Variants in CASZ1 observed in about 807,000 individuals in gnomAD.
The protein encoded by CASZ1 is zinc finger protein castor homolog 1.
In CASZ1, 28 loss-of-function variants were observed where a neutral mutation model predicts 135.2. The ratio of observed to expected loss-of-function variants is 0.21; its 90% confidence interval spans 0.15 to 0.28. CASZ1 has a LOEUF of 0.28. Ranked by LOEUF, CASZ1 falls within the 10% of genes least tolerant of loss-of-function variation. The pLI is 1.00. For missense variants in CASZ1, 2,161 were observed against 2,453.3 expected, an observed-to-expected ratio of 0.88 and a Z score of 2.52; for synonymous variants, 1,068 against 1,073.4, an observed-to-expected ratio of 0.99 and a Z score of 0.10.
rs542003960 is a variant in CASZ1, at chr1:10,660,169, G to T, written c.873C>A (p.Ile291=). The T allele has an allele frequency of 2.1e-5, 34 of 1,613,968 alleles. No individual in the cohort carries two copies. In the East Asian group the frequency reaches 6.7e-4, roughly 32 times the overall value. ...CACTGCTGTGCGACGGCAGGGGCAG[G>T]ATGGTGGCCTTGGTCTCCAGGTGGG... ...STAHLETKAT[I]LPLPSHSSVQ... is the part of the protein sequence containing the mutation. The change falls in exon 6 of 21, where the codon ATC becomes ATA. Residue 291 remains isoleucine, a synonymous_variant. Transcript: ENST00000377022.
rs1285080404 is a variant in CASZ1, at chr1:10,776,619, G to C, written c.-233-15762C>G. Among the ~76,000 whole-genome samples the C allele has an allele frequency of 1.3e-5, 2 of 152,236 alleles. No homozygotes were observed. The highest frequency in any genetic ancestry group is 2.4e-5 in the African/African-American group (1 of 41,456). On this transcript the variant is annotated intron_variant, in intron 1 of 20. Transcript: ENST00000377022. This position sits in a 1 kb window ranked among gnomAD's most constrained non-coding sequence, Gnocchi z 4.1. ...CACCGAGCCTGCAAAGGCTCTCCCTGGTACCAGCTAGGGGCGGGAGCTCCT... is the reference window on the plus strand; with the variant it reads ...CACCGAGCCTGCAAAGGCTCTCCCTCGTACCAGCTAGGGGCGGGAGCTCCT...
Position 10,735,026 on chromosome 1 carries a change from C to T in CASZ1, c.-77+25675G>A, listed in dbSNP as rs865937339. ...TCTCAACTCCCCGCCCCATGACCAA[C>T]GGGACCCTGGGAGGACGCAAGGGAG... On this transcript the variant is annotated intron_variant, in intron 2 of 20. Transcript: ENST00000377022. This position sits in a 1 kb window ranked among gnomAD's most constrained non-coding sequence, Gnocchi z 5.1. Among the ~76,000 whole-genome samples, 58 of 152,260 alleles carry T rather than the reference C, an allele frequency of 3.8e-4. 2 individuals are homozygous for T. Among genetic ancestry groups the T allele is most frequent in the East Asian group, 9.7e-4 (5 of 5,178 alleles).
rs1023499237 is a variant in CASZ1 at position 10,735,420 on chromosome 1, G to A, written c.-77+25281C>T. Reference sequence around the variant, plus strand: ...CCGGGAGCTCTGGGAGGGGACGGGGGACTGGCGGAGTCAGGCGCCAGGGCT... The same window carrying A: ...CCGGGAGCTCTGGGAGGGGACGGGGAACTGGCGGAGTCAGGCGCCAGGGCT... On this transcript the variant is annotated intron_variant, in intron 2 of 20. Coordinates refer to ENST00000377022, the MANE Select transcript of CASZ1 (RefSeq NM_001079843.3). The surrounding 1 kb of genome is among the most constrained non-coding windows in gnomAD (Gnocchi z 5.1). 3.3e-5 allele frequency among the ~76,000 whole-genome samples: 5 copies of A among 152,284 alleles called. No individual in the cohort carries two copies. The highest frequency in any genetic ancestry group is 3.3e-4 in the Admixed American group (5 of 15,302).
Position 10,694,031 on chromosome 1 carries a change from C to G in CASZ1, c.-23-119G>C, listed in dbSNP as rs970125735. ...CCCCGCAGGAGCGGCCCGTCCCGGG[C>G]GGGCGCCGAGGCCGCGGCGGAGAAA... On this transcript the variant is annotated intron_variant, in intron 3 of 20. Coordinates refer to ENST00000377022, the MANE Select transcript of CASZ1 (RefSeq NM_001079843.3). The surrounding 1 kb of genome is among the most constrained non-coding windows in gnomAD (Gnocchi z 6.6). 2.1e-6 allele frequency: 2 copies of G among 931,562 alleles called. No homozygotes were observed. The highest frequency in any genetic ancestry group is 3.1e-6 in the Non-Finnish European group (2 of 645,498). The allele number at this position is 931,562 out of a possible 1,614,324, so 57.7% of individuals were successfully genotyped here.
chr1:10,715,120 C>T (rs903898849), intron 2 of CASZ1, among the ~76,000 whole-genome samples: 36 of 152,244 alleles, frequency 2.4e-4, no homozygotes, highest in African/African-American at 8.4e-4. Context: ...TCAGCCCACC[C>T]TGGCCTCCGG....
At position 10,697,845 on chromosome 1, in the gene CASZ1, C is replaced by A. The variant is rs710132; in HGVS notation, c.-23-3933G>T. On this transcript the variant is annotated intron_variant, in intron 3 of 20. Transcript: ENST00000377022. The surrounding 1 kb of genome is among the most constrained non-coding windows in gnomAD (Gnocchi z 4.7). ...TTGGCCAAAGGACTGCGTGTGCCTG[C>A]GAACAAGCATGTTCGCACCTGCGAG... 6.6e-6 allele frequency among the ~76,000 whole-genome samples: 1 copy of A among 152,234 alleles called. No homozygotes were observed. The highest frequency in any genetic ancestry group is 1.5e-5 in the Non-Finnish European group (1 of 68,034).
At chr1:10,686,616 C>A (rs1638600654) in intron 4 of CASZ1, among the ~76,000 whole-genome samples, 1 of 152,358 alleles carries the variant, frequency 6.6e-6, no homozygotes, top group African/African-American at 2.4e-5. Context: ...CCCCGCCACC[C>A]TCTCTTGGTG....
rs1389694888 is a variant in CASZ1, at chr1:10,702,143, C to G, written c.-24+3349G>C. On this transcript the variant is annotated intron_variant, in intron 3 of 20. Coordinates refer to ENST00000377022, the MANE Select transcript of CASZ1 (RefSeq NM_001079843.3). ...GGTACAGGTCCCAACCTAGGTGACA[C>G]ATGTCCGCTTCCTTGCCTGCTGGGA... is the stretch of plus-strand genomic sequence containing the variant. Among the ~76,000 whole-genome samples, 7 of 152,340 alleles carry G rather than the reference C, an allele frequency of 4.6e-5. No individual in the cohort carries two copies. The South Asian group carries it at 1.0e-3, about 23-fold the overall frequency.
intron 1 of CASZ1, among the ~76,000 whole-genome samples, chr1:10,769,554 G>A (rs1245609461): frequency 2.0e-5 from 3 of 152,092 alleles, no homozygotes; most frequent in Non-Finnish European, 4.4e-5. Context: ...GTCTCACTCT[G>A]TTGCCTAGCT....
chr1:10,713,951 A>G (rs1639331721), intron 2 of CASZ1, among the ~76,000 whole-genome samples: 1 of 152,224 alleles, frequency 6.6e-6, no homozygotes, highest in African/African-American at 2.4e-5. Context: ...TCAAAGGAGA[A>G]GAAAATTCAG....
intron 1 of CASZ1, among the ~76,000 whole-genome samples, chr1:10,793,127 G>A (rs548292419): frequency 1.5e-4 from 23 of 151,948 alleles, no homozygotes; most frequent in African/African-American, 4.8e-4. Context: ...AAACATAAGG[G>A]GAGCAGATAT....
intron 1 of CASZ1, among the ~76,000 whole-genome samples, chr1:10,782,723 C>T (rs1046939743): frequency 1.4e-4 from 21 of 149,844 alleles, no homozygotes; most frequent in African/African-American, 4.7e-4. Flanking sequence ...GGATCGCTGG[C>T]GGAGCCACTG....
chr1:10,720,385 CAG>C lies in CASZ1; in HGVS notation c.-76-14843_-76-14842del, dbSNP rs375922939. ...ATCGTGCCTTTGGGGCTGGTGATGG[CAG>C]AGAGACTGGCAGCACTGACCAGCCC... On this transcript the variant is annotated intron_variant, in intron 2 of 20. Transcript: ENST00000377022. This position sits in a 1 kb window ranked among gnomAD's most constrained non-coding sequence, Gnocchi z 5.7. Among the ~76,000 whole-genome samples, 1 of 152,156 alleles carries C rather than the reference CAG, an allele frequency of 6.6e-6. No homozygotes were observed. The highest frequency in any genetic ancestry group is 2.4e-5 in the African/African-American group (1 of 41,436).
At chr1:10,667,998 G>C (rs1441043539) in intron 4 of CASZ1, among the ~76,000 whole-genome samples, 1 of 152,118 alleles carries the variant, frequency 6.6e-6, no homozygotes, top group African/African-American at 2.4e-5. Flanking sequence ...CTGCCCTCCA[G>C]CTGCCGCGCT....
chr1:10,679,166 C>G lies in CASZ1; in HGVS notation c.17-13595G>C, dbSNP rs1436950858. On this transcript the variant is annotated intron_variant, in intron 4 of 20. Transcript: ENST00000377022. The surrounding 1 kb of genome is among the most constrained non-coding windows in gnomAD (Gnocchi z 4.7). Reference sequence around the variant, plus strand: ...TCACGAGGGGACTGCAGGGCTGGCACAGAGCTCTCCGCCAGGGCCTGCTGC... The same window carrying G: ...TCACGAGGGGACTGCAGGGCTGGCAGAGAGCTCTCCGCCAGGGCCTGCTGC... 1.3e-5 allele frequency among the ~76,000 whole-genome samples: 2 copies of G among 152,220 alleles called. No individual in the cohort carries two copies. The highest frequency in any genetic ancestry group is 1.3e-4 in the Admixed American group (2 of 15,292).
chr1:10,718,746 T>C (rs1027984051), intron 2 of CASZ1, among the ~76,000 whole-genome samples: 7 of 152,160 alleles, frequency 4.6e-5, no homozygotes, highest in African/African-American at 1.7e-4. Context: ...GCCCACAACG[T>C]CTCCACTGGC....
chr1:10,708,825 G>A (rs1260316814), intron 2 of CASZ1, among the ~76,000 whole-genome samples: 1 of 152,004 alleles, frequency 6.6e-6, no homozygotes, highest in African/African-American at 2.4e-5. Flanking sequence ...AGGGAAGGTG[G>A]GCTGGAGAGG....
In CASZ1 at chr1:10,638,823, A is replaced by T. The variant is rs1376601543; in HGVS notation, c.*119T>A. 4 of 932,116 alleles carry T rather than the reference A, an allele frequency of 4.3e-6. No homozygotes were observed. Among genetic ancestry groups the T allele is most frequent in the Non-Finnish European group, 5.1e-6 (4 of 782,236 alleles). The allele number at this position is 932,116 out of a possible 1,614,324, so 57.7% of individuals were successfully genotyped here. On this transcript the variant is annotated 3_prime_UTR_variant, in exon 21 of 21. Coordinates refer to ENST00000377022, the MANE Select transcript of CASZ1 (RefSeq NM_001079843.3). This position sits in a 1 kb window ranked among gnomAD's most constrained non-coding sequence, Gnocchi z 5.9. ...GGTCCCCGCCTCTGTCCTGAGACGG[A>T]CTCGGGGTCCGGAAGCACCGGCGGG...
chr1:10,749,709 T>TA (rs1317970595), intron 2 of CASZ1, among the ~76,000 whole-genome samples: 1 of 152,170 alleles, frequency 6.6e-6, no homozygotes, highest in African/African-American at 2.4e-5. Flanking sequence ...TTTCTCTTCT[T>TA]ACTTTCAGCC....
Sources: allele counts gnomAD v4.1 joint callset (sites outside exome capture counted in the v4.1 genomes callset), GRCh38; gene constraint gnomAD v4.1.1; non-coding constraint Gnocchi (gnomAD v3.1); transcripts MANE v1.5; gene names NCBI Gene and HGNC (gene_info 2026-07-23, HGNC 2026-07-21).